The following ADAM18 variants were observed in gnomAD, a reference collection of about 807,000 sequenced individuals.
ADAM18 encodes the protein disintegrin and metalloproteinase domain-containing protein 18.
In ADAM18, 117 loss-of-function variants were observed where a neutral mutation model predicts 94.4. The ratio of observed to expected loss-of-function variants is 1.24; its 90% CI spans 1.07 to 1.45. The LOEUF is 1.45. ADAM18 is among the 40% of genes most tolerant of loss of function. ADAM18 has a pLI of 0.00. For missense variants in ADAM18, 936 were observed against 880.0 expected (o/e 1.06, Z -0.81); for synonymous variants, 327 against 291.6 (o/e 1.12, Z -1.24).
At chr8:39,695,787 A>G (rs974351095) in intron 17 of ADAM18, among the ~76,000 whole-genome samples, 1 of 151,394 alleles carries the variant, frequency 6.6e-6, no homozygotes, top group Non-Finnish European at 1.5e-5. Flanking sequence ...GCTGAAAACT[A>G]TATCATTGTA....
At chr8:39,608,074 A>C (rs1754236807) in intron 3 of ADAM18, among the ~76,000 whole-genome samples, 1 of 152,060 alleles carries the variant, frequency 6.6e-6, no homozygotes, top group African/African-American at 2.4e-5. Flanking sequence ...GCAAATATAT[A>C]AGTTTTTCAG....
At chr8:39,697,443 A>G (rs1821955181) in intron 17 of ADAM18, among the ~76,000 whole-genome samples, 1 of 151,666 alleles carries the variant, frequency 6.6e-6, no homozygotes, top group South Asian at 2.1e-4. Context: ...ATTTCTCAAA[A>G]TATTTTCCAA....
chr8:39,592,671 A>G (rs73603953), intron 2 of ADAM18, among the ~76,000 whole-genome samples: 103 of 152,274 alleles, frequency 6.8e-4, no homozygotes, highest in African/African-American at 2.4e-3. Context: ...GATGAAGAAA[A>G]TAGACTCTGG....
rs575487941 is a variant in ADAM18 at position 39,640,362 on chromosome 8, A to G, written c.909+1816A>G. On this transcript the variant is annotated intron_variant, in intron 10 of 19. Coordinates refer to ENST00000265707, the MANE Select transcript of ADAM18 (RefSeq NM_014237.3). ...ATGTCCCTGCAAAGGACATAATCTC[A>G]TTCCTTTTATGGCTGCATAGTATTG... Among the ~76,000 whole-genome samples the G allele has an allele frequency of 3.3e-5, 5 of 151,910 alleles. No homozygotes were observed. The South Asian group carries it at 1.0e-3, about 32-fold the overall frequency.
At chr8:39,691,353 A>G (rs1397980642) in intron 16 of ADAM18, among the ~76,000 whole-genome samples, 4 of 152,296 alleles carry the variant, frequency 2.6e-5, no homozygotes, top group Non-Finnish European at 2.9e-5. Flanking sequence ...GAGAAAGGGT[A>G]ACTCTTATAC....
chr8:39,715,581 A>G (rs1206768239), intron 18 of ADAM18, among the ~76,000 whole-genome samples: 3 of 152,044 alleles, frequency 2.0e-5, no homozygotes, highest in Non-Finnish European at 4.4e-5. Flanking sequence ...TGGAAAAAAG[A>G]CATAACTTAT....
intron 6 of ADAM18, among the ~76,000 whole-genome samples, chr8:39,619,905 C>T (rs902883742): frequency 1.3e-5 from 2 of 151,880 alleles, no homozygotes; most frequent in Non-Finnish European, 2.9e-5. Context: ...AATGTATATG[C>T]AACAAGAGAA....
intron 2 of ADAM18, chr8:39,604,529 G>A (rs892575809): frequency 2.0e-5 from 3 of 152,104 alleles, no homozygotes; most frequent in East Asian, 1.9e-4. Flanking sequence ...TCATGGCTTG[G>A]TGCTGTCCTT....
At chr8:39,662,646 A>G (rs762628914) in intron 12 of ADAM18, among the ~76,000 whole-genome samples, 3 of 152,142 alleles carry the variant, frequency 2.0e-5, no homozygotes, top group Non-Finnish European at 4.4e-5. Context: ...TTTATTTGAG[A>G]TGTAGTCTCA....
chr8:39,661,319 A>ATTTTTTTTTTTTTT (rs71518171), intron 12 of ADAM18, among the ~76,000 whole-genome samples: 7 of 112,826 alleles, frequency 6.2e-5, no homozygotes, highest in African/African-American at 1.6e-4. Context: ...CACCCGGCAA[A>ATTTTTTTTTTTTTT]TTTTTTTTTT....
intron 10 of ADAM18, among the ~76,000 whole-genome samples, chr8:39,644,031 G>A (rs1820309545): frequency 6.6e-6 from 1 of 151,592 alleles, no homozygotes; most frequent in South Asian, 2.1e-4. Context: ...TTTTCATATT[G>A]CCAATTCTGT....
At chr8:39,706,379 A>G (rs968271726) in intron 17 of ADAM18, among the ~76,000 whole-genome samples, 18 of 152,280 alleles carry the variant, frequency 1.2e-4, no homozygotes, top group Admixed American at 9.8e-4. Context: ...TATTTATTTT[A>G]TCACAATGCT....
chr8:39,620,351 C>T (rs1198101185), intron 6 of ADAM18, among the ~76,000 whole-genome samples: 1 of 21,956 alleles, frequency 4.6e-5, no homozygotes, highest in Non-Finnish European at 9.0e-5. Context: ...GCACATGCAA[C>T]AAAAGCAAAA....
chr8:39,667,127 C>T lies in ADAM18; in HGVS notation c.1327-871C>T, dbSNP rs550816592. Among the ~76,000 whole-genome samples, 12 of 151,940 alleles carry T rather than the reference C, an allele frequency of 7.9e-5. No homozygotes were observed. In the East Asian group the frequency reaches 1.4e-3, roughly 17 times the overall value. On this transcript the variant is annotated intron_variant, in intron 13 of 19. Coordinates refer to ENST00000265707, the MANE Select transcript of ADAM18 (RefSeq NM_014237.3). ...CCAGGTGTGGTGGCTCAAGACTTGGCGCGGTGGCTCATGCCTGTAATCCCA... is the reference window on the plus strand; with the variant it reads ...CCAGGTGTGGTGGCTCAAGACTTGGTGCGGTGGCTCATGCCTGTAATCCCA...
rs1333463945 is a variant in ADAM18 at position 39,609,542 on chromosome 8, A to G, written c.325A>G (p.Ser109Gly). Residue 109 changes from serine to glycine, a missense_variant, in exon 5 of 20, where the codon AGT (serine) becomes GGT (glycine). Transcript: ENST00000265707. ...AEFPNSFVTL[S>G]ICSGLRGFLQ... ...ATTTCCAAATTCATTTGTGACACTC[A>G]GTATATGTTCTGGTCTCAGGTAATA... 6.2e-7 allele frequency: 1 copy of G among 1,610,750 alleles called. No homozygotes were observed. Among genetic ancestry groups the G allele is most frequent in the Non-Finnish European group, 8.5e-7 (1 of 1,177,890 alleles).
At chr8:39,712,151 C>G (rs984308816) in intron 18 of ADAM18, among the ~76,000 whole-genome samples, 1 of 151,254 alleles carries the variant, frequency 6.6e-6, no homozygotes, top group Non-Finnish European at 1.5e-5. Context: ...TAATCACGTT[C>G]AATGTTAATA....
At chr8:39,697,969 G>A (rs1821971449) in intron 17 of ADAM18, among the ~76,000 whole-genome samples, 1 of 151,558 alleles carries the variant, frequency 6.6e-6, no homozygotes. Context: ...ATTCTACTAA[G>A]GATTATCTTT....
chr8:39,711,267 G>C (rs1311411677), intron 18 of ADAM18, among the ~76,000 whole-genome samples: 1 of 152,106 alleles, frequency 6.6e-6, no homozygotes, highest in African/African-American at 2.4e-5. Context: ...CAAGAAACTG[G>C]CAAACCCTGA....
At chr8:39,640,526 T>A (rs1389594688) in intron 10 of ADAM18, among the ~76,000 whole-genome samples, 1 of 152,180 alleles carries the variant, frequency 6.6e-6, no homozygotes, top group East Asian at 1.9e-4. Context: ...TGATTTATAT[T>A]CCTTTGGGTA....
Sources: allele counts gnomAD v4.1 joint callset (sites outside exome capture counted in the v4.1 genomes callset), GRCh38; gene constraint gnomAD v4.1.1; transcripts MANE v1.5; gene names NCBI Gene and HGNC (gene_info 2026-07-23, HGNC 2026-07-21).